Variants in ACVR2A observed in about 807,000 individuals in gnomAD.
The protein encoded by ACVR2A is activin receptor type-2A.
A neutral mutation model predicts 61.4 loss-of-function variants in ACVR2A; 7 were observed. The ratio of observed to expected loss-of-function variants is 0.11; its 90% CI spans 0.06 to 0.21. The LOEUF (loss-of-function observed/expected upper bound fraction) is 0.21, where lower values mean the gene tolerates loss of function less well. Ranked by LOEUF, ACVR2A falls within the 10% of genes least tolerant of loss-of-function variation. The pLI is 1.00. For missense variants in ACVR2A, 322 were observed against 621.7 expected (o/e 0.52, Z 5.13); for synonymous variants, 193 against 208.3 (o/e 0.93, Z 0.63).
rs763560105 is a variant in ACVR2A at position 147,920,326 on chromosome 2, A to G, written c.1059A>G (p.Ala353=). 1 of 1,613,052 alleles carries G rather than the reference A, an allele frequency of 6.2e-7. No individual in the cohort carries two copies. Among genetic ancestry groups the G allele is most frequent in the South Asian group, 1.1e-5 (1 of 91,042 alleles). Residue 353 remains alanine, a synonymous_variant, in exon 8 of 11, where the codon GCA becomes GCG. Transcript: ENST00000241416. The part of the protein sequence containing the change: ...LALKFEAGKS[A]GDTHGQVGTR... ...TAAAATTTGAGGCTGGCAAGTCTGC[A>G]GGCGATACCCATGGACAGGTAAGGA...
At chr2:147,849,536 A>G (rs1462067777) in intron 1 of ACVR2A, among the ~76,000 whole-genome samples, 1 of 152,228 alleles carries the variant, frequency 6.6e-6, no homozygotes, top group Non-Finnish European at 1.5e-5. Context: ...ATGATACAGT[A>G]AGTAATATTT....
rs572875982 is a variant in ACVR2A, at chr2:147,857,204, G to C, written c.55+11997G>C. On this transcript the variant is annotated intron_variant, in intron 1 of 10. Transcript: ENST00000241416. ...TTTCCTTTTGAATCATTGAAGAGTA[G>C]TTTTGACTTTTTACCTGCAGATCTT... 4.1e-4 allele frequency among the ~76,000 whole-genome samples: 62 copies of C among 152,228 alleles called. No individual in the cohort carries two copies. In the East Asian group the frequency reaches 0.01, roughly 26 times the overall value.
intron 1 of ACVR2A, among the ~76,000 whole-genome samples, chr2:147,867,451 C>T (rs1685890901): frequency 6.6e-6 from 1 of 152,134 alleles, no homozygotes; most frequent in African/African-American, 2.4e-5. Flanking sequence ...CAAGCAATTA[C>T]TAAGTTCTGT....
At chr2:147,897,633 G>C (rs909433841) in intron 2 of ACVR2A, among the ~76,000 whole-genome samples, 23 of 152,162 alleles carry the variant, frequency 1.5e-4, no homozygotes, top group Admixed American at 5.2e-4. Context: ...GAGAGCCTCA[G>C]TTGATTACCT....
intron 9 of ACVR2A, among the ~76,000 whole-genome samples, chr2:147,924,827 T>A (rs902902993): frequency 1.3e-5 from 2 of 151,962 alleles, no homozygotes; most frequent in South Asian, 4.1e-4. Context: ...AGAGTCTACA[T>A]TTCTTAAAAG....
chr2:147,871,582 A>G (rs1345690113), intron 1 of ACVR2A, among the ~76,000 whole-genome samples: 1 of 151,852 alleles, frequency 6.6e-6, no homozygotes, highest in Non-Finnish European at 1.5e-5. Context: ...AAGTAAAAAG[A>G]AAGAATATGC....
At position 147,927,377 on chromosome 2, in the gene ACVR2A, G is replaced by T; in HGVS notation, c.*103G>T. The T allele has an allele frequency of 8.8e-7, 1 of 1,136,708 alleles. No individual in the cohort carries two copies. Among genetic ancestry groups the T allele is most frequent in the Non-Finnish European group, 1.2e-6 (1 of 822,148 alleles). 70.4% of individuals were successfully genotyped at this position (1,136,708 alleles called of 1,614,324 possible). A position where few individuals can be genotyped will look rare whatever the true frequency, so the allele number is the denominator to read the frequency against. On this transcript the variant is annotated 3_prime_UTR_variant, in exon 11 of 11. Coordinates refer to ENST00000241416, the MANE Select transcript of ACVR2A (RefSeq NM_001616.5). ...ATTTTCTGTGTAAAATGAGTAGGAT[G>T]TCTCTTGGAAATGTTAAGAAAGAAG...
At chr2:147,925,797 C>G (rs562464922) in intron 9 of ACVR2A, 1 of 420,168 alleles carries the variant, frequency 2.4e-6, no homozygotes, top group Non-Finnish European at 4.2e-6. Flanking sequence ...TAAGAAAGCC[C>G]CTTATGCAAT....
chr2:147,919,663 C>A (rs190890176), intron 7 of ACVR2A, among the ~76,000 whole-genome samples: 1 of 152,022 alleles, frequency 6.6e-6, no homozygotes, highest in Non-Finnish European at 1.5e-5. Flanking sequence ...AAAACTGTTA[C>A]CCTTTTCAGA....
At chr2:147,917,460 C>G (rs1299023074) in intron 6 of ACVR2A, 34 bp downstream of exon 6, 1 of 1,604,542 alleles carries the variant, frequency 6.2e-7, no homozygotes, top group Non-Finnish European at 8.5e-7. Context: ...TTAGTAAAGT[C>G]TGAGTTGGCC....
intron 1 of ACVR2A, among the ~76,000 whole-genome samples, chr2:147,850,706 A>G (rs1685423451): frequency 6.6e-6 from 1 of 152,050 alleles, no homozygotes; most frequent in Non-Finnish European, 1.5e-5. Flanking sequence ...TGTATAGAGG[A>G]AGGAGGAGGA....
chr2:147,861,382 G>A (rs147751171), intron 1 of ACVR2A, among the ~76,000 whole-genome samples: 13 of 152,258 alleles, frequency 8.5e-5, no homozygotes, highest in African/African-American at 3.1e-4. Flanking sequence ...ATCATCTGGT[G>A]TTCAGGGAAG....
intron 4 of ACVR2A, among the ~76,000 whole-genome samples, chr2:147,909,738 A>G (rs1010396968): frequency 2.6e-5 from 4 of 152,114 alleles, no homozygotes; most frequent in African/African-American, 9.7e-5. Flanking sequence ...CCCAGGCTCA[A>G]GATGTCTTCC....
chr2:147,876,018 T>C (rs1393765095), intron 1 of ACVR2A, among the ~76,000 whole-genome samples: 1 of 152,052 alleles, frequency 6.6e-6, no homozygotes, highest in Non-Finnish European at 1.5e-5. Flanking sequence ...AGAAATAGAA[T>C]AGACAGTGTA....
chr2:147,861,209 G>A (rs1685720377), intron 1 of ACVR2A, among the ~76,000 whole-genome samples: 1 of 152,120 alleles, frequency 6.6e-6, no homozygotes, highest in South Asian at 2.1e-4. Flanking sequence ...TATTGAATAC[G>A]AACAAGTTAT....
intron 1 of ACVR2A, among the ~76,000 whole-genome samples, chr2:147,849,433 A>G (rs1685395990): frequency 6.6e-6 from 1 of 152,128 alleles, no homozygotes. Flanking sequence ...TGTCTAGCTA[A>G]CTTTAATTTC....
chr2:147,911,798 G>A (rs950504876), intron 4 of ACVR2A, among the ~76,000 whole-genome samples: 1 of 151,940 alleles, frequency 6.6e-6, no homozygotes, highest in Admixed American at 6.6e-5. Context: ...ATTTAAGGTA[G>A]GATGTAGAAA....
intron 7 of ACVR2A, among the ~76,000 whole-genome samples, chr2:147,918,941 A>G (rs975299180): frequency 6.6e-6 from 1 of 152,050 alleles, no homozygotes; most frequent in South Asian, 2.1e-4. Context: ...TGAAGGAGAG[A>G]CTTTGAATGT....
chr2:147,926,256 A>G (rs569203805), intron 10 of ACVR2A, 95 bp downstream of exon 10: 2 of 1,458,762 alleles, frequency 1.4e-6, no homozygotes, highest in South Asian at 1.3e-5. Flanking sequence ...TTCTGCAAGT[A>G]TTTTCTGGAA....
Sources: allele counts gnomAD v4.1 joint callset (sites outside exome capture counted in the v4.1 genomes callset), GRCh38; gene constraint gnomAD v4.1.1; transcripts MANE v1.5; gene names NCBI Gene and HGNC (gene_info 2026-07-23, HGNC 2026-07-21).